Variants in ARB2A observed in about 807,000 individuals in gnomAD.
The protein encoded by ARB2A is ARB2 cotranscriptional regulator A, also known as cotranscriptional regulator ARB2A.
the ARB2A span, among the ~76,000 whole-genome samples, chr5:93,852,059 C>A: frequency 1.2e-4 from 18 of 152,344 alleles, no homozygotes; most frequent in African/African-American, 3.6e-4. Context: ...AACCAGTTTA[C>A]AGTCCCAACA....
the ARB2A span, among the ~76,000 whole-genome samples, chr5:93,709,133 G>A: frequency 6.8e-6 from 1 of 147,698 alleles, no homozygotes; most frequent in Admixed American, 6.9e-5. Flanking sequence ...TCACCATGTT[G>A]TATACCTTGA....
chr5:93,794,539 C>T, the ARB2A span, among the ~76,000 whole-genome samples: 1 of 152,232 alleles, frequency 6.6e-6, no homozygotes, highest in African/African-American at 2.4e-5. Context: ...AGTTGCTTCT[C>T]ATTTGGATAG....
the ARB2A span, among the ~76,000 whole-genome samples, chr5:93,681,493 C>T: frequency 6.6e-6 from 1 of 152,110 alleles, no homozygotes; most frequent in African/African-American, 2.4e-5. Context: ...CCACCCACTA[C>T]TTTTCTGTGC....
chr5:93,952,184 A>G, the ARB2A span, among the ~76,000 whole-genome samples: 3 of 152,240 alleles, frequency 2.0e-5, no homozygotes, highest in African/African-American at 7.2e-5. Context: ...TGCAATCCCT[A>G]TCAAAATACC....
At chr5:93,936,941 T>G in the ARB2A span, among the ~76,000 whole-genome samples, 1 of 132,146 alleles carries the variant, frequency 7.6e-6, no homozygotes, top group African/African-American at 2.8e-5. Flanking sequence ...ATTATAAAGG[T>G]TTTTTTTTTT....
At chr5:93,658,902 T>C in the ARB2A span, among the ~76,000 whole-genome samples, 1 of 150,612 alleles carries the variant, frequency 6.6e-6, no homozygotes, top group Non-Finnish European at 1.5e-5. Flanking sequence ...ACATGTCTTG[T>C]TTCCTGTAGG....
the ARB2A span, among the ~76,000 whole-genome samples, chr5:94,084,196 C>A: frequency 6.8e-6 from 1 of 147,572 alleles, no homozygotes; most frequent in Non-Finnish European, 1.5e-5. Flanking sequence ...ATCACTTGAA[C>A]CCAAGAGGCA....
chr5:93,670,278 A>G, the ARB2A span, among the ~76,000 whole-genome samples: 1 of 152,208 alleles, frequency 6.6e-6, no homozygotes, highest in Non-Finnish European at 1.5e-5. Context: ...TCACTATCCA[A>G]CTCAAGACCC....
chr5:93,907,896 TTAG>T, the ARB2A span, among the ~76,000 whole-genome samples: 1 of 151,320 alleles, frequency 6.6e-6, no homozygotes, highest in Non-Finnish European at 1.5e-5. Context: ...AAAAATTTCT[TTAG>T]TAGGATAAGC....
the ARB2A span, among the ~76,000 whole-genome samples, chr5:93,844,498 C>T: frequency 1.3e-5 from 2 of 151,682 alleles, no homozygotes; most frequent in Non-Finnish European, 2.9e-5. Flanking sequence ...CTATACCCAG[C>T]CAAAATATCA....
At chr5:93,962,568 T>C in the ARB2A span, among the ~76,000 whole-genome samples, 1 of 152,102 alleles carries the variant, frequency 6.6e-6, no homozygotes, top group Non-Finnish European at 1.5e-5. Flanking sequence ...TGGTATTCTT[T>C]AAGTAAAAAG....
At chr5:93,814,033 A>C in the ARB2A span, among the ~76,000 whole-genome samples, 1 of 152,160 alleles carries the variant, frequency 6.6e-6, no homozygotes, top group South Asian at 2.1e-4. Context: ...TCAGGGCCAC[A>C]GACTGTACCT....
the ARB2A span, among the ~76,000 whole-genome samples, chr5:94,046,388 T>C: frequency 6.6e-6 from 1 of 152,182 alleles, no homozygotes; most frequent in South Asian, 2.1e-4. Context: ...GACAGTAGAT[T>C]TGCAGACCAA....
chr5:93,617,970 T>C, the ARB2A span: 1 of 152,204 alleles, frequency 6.6e-6, no homozygotes, highest in Non-Finnish European at 1.5e-5. Context: ...TATTGACGGA[T>C]GCTGTCTCAT....
chr5:93,631,497 A>C, the ARB2A span, among the ~76,000 whole-genome samples: 1 of 152,140 alleles, frequency 6.6e-6, no homozygotes, highest in Non-Finnish European at 1.5e-5. Context: ...TGTCATTTTC[A>C]AAAGTAACTT....
chr5:93,818,457 T>C, the ARB2A span, among the ~76,000 whole-genome samples: 1 of 152,152 alleles, frequency 6.6e-6, no homozygotes, highest in Admixed American at 6.5e-5. Context: ...TTGATAAAAG[T>C]ATGTAAAATT....
the ARB2A span, among the ~76,000 whole-genome samples, chr5:93,843,529 T>C: frequency 6.6e-6 from 1 of 150,930 alleles, no homozygotes; most frequent in African/African-American, 2.4e-5. Context: ...GCTCAAGTGA[T>C]CCTCCAGCCT....
At chr5:93,864,247 A>C in the ARB2A span, among the ~76,000 whole-genome samples, 3 of 152,208 alleles carry the variant, frequency 2.0e-5, no homozygotes, top group Non-Finnish European at 4.4e-5. Context: ...TTATTACATT[A>C]TTTCTCCTAA....
At chr5:93,704,821 T>C in the ARB2A span, among the ~76,000 whole-genome samples, 1 of 152,208 alleles carries the variant, frequency 6.6e-6, no homozygotes, top group African/African-American at 2.4e-5. Flanking sequence ...ATTTACCCCT[T>C]TGAGAATATG....
Sources: allele counts gnomAD v4.1 joint callset (sites outside exome capture counted in the v4.1 genomes callset), GRCh38; gene constraint gnomAD v4.1.1; transcripts MANE v1.5; gene names NCBI Gene and HGNC (gene_info 2026-07-23, HGNC 2026-07-21).